The following CDH12 variants were observed in gnomAD, a reference collection of about 807,000 sequenced individuals.
The protein encoded by CDH12 is cadherin-12.
A neutral mutation model predicts 74.1 loss-of-function variants in CDH12; 41 were observed. The observed-to-expected ratio is 0.55, with a 90% CI of 0.43 to 0.72. The LOEUF is 0.72. CDH12 is among the 30% of genes least tolerant of loss of function. CDH12 has a pLI of 0.00. For synonymous variants in CDH12, 399 were observed against 355.0 expected, an observed-to-expected ratio of 1.12 and a Z score of -1.39; for missense variants, 945 against 977.2, an observed-to-expected ratio of 0.97 and a Z score of 0.44.
intron 3 of CDH12, among the ~76,000 whole-genome samples, chr5:22,400,417 T>C (rs1207319206): frequency 2.0e-5 from 3 of 152,064 alleles, no homozygotes; most frequent in Non-Finnish European, 4.4e-5. Context: ...AGATTAAATA[T>C]ATAGAATAGA....
At chr5:22,391,279 GTGAT>G (rs1742237099) in intron 3 of CDH12, among the ~76,000 whole-genome samples, 1 of 152,174 alleles carries the variant, frequency 6.6e-6, no homozygotes, top group African/African-American at 2.4e-5. Context: ...AGAGTGGAAA[GTGAT>G]TGCTCAAAAC....
At chr5:21,914,212 C>A (rs150578373) in intron 6 of CDH12, among the ~76,000 whole-genome samples, 1 of 152,218 alleles carries the variant, frequency 6.6e-6, no homozygotes, top group East Asian at 1.9e-4. Flanking sequence ...TGACTGAATC[C>A]TTTTGCTTTT....
At chr5:22,639,855 C>T (rs1293975156) in intron 1 of CDH12, among the ~76,000 whole-genome samples, 2 of 152,224 alleles carry the variant, frequency 1.3e-5, no homozygotes, top group Middle Eastern at 6.8e-3. Flanking sequence ...GTGCTCAAAA[C>T]ACATACTGTT....
At chr5:21,758,444 A>G (rs1319713589) in intron 13 of CDH12, among the ~76,000 whole-genome samples, 2 of 152,302 alleles carry the variant, frequency 1.3e-5, no homozygotes, top group East Asian at 1.9e-4. Flanking sequence ...TTCTATCATC[A>G]TCATCACCAT....
intron 1 of CDH12, among the ~76,000 whole-genome samples, chr5:22,837,464 A>G (rs1736880904): frequency 6.6e-6 from 1 of 152,166 alleles, no homozygotes; most frequent in Admixed American, 6.6e-5. Flanking sequence ...AAAAAATCGT[A>G]TAATTAAAAA....
At chr5:22,074,306 G>A (rs947984864) in intron 5 of CDH12, among the ~76,000 whole-genome samples, 3 of 151,936 alleles carry the variant, frequency 2.0e-5, no homozygotes, top group Admixed American at 6.6e-5. Flanking sequence ...TTATACAAAA[G>A]TTAATTAAAG....
At chr5:22,130,672 T>C (rs1746130107) in intron 4 of CDH12, among the ~76,000 whole-genome samples, 1 of 151,696 alleles carries the variant, frequency 6.6e-6, no homozygotes, top group Non-Finnish European at 1.5e-5. Flanking sequence ...ACACCTAATA[T>C]AAAATGTGTT....
At chr5:22,168,183 T>C (rs1748800574) in intron 4 of CDH12, among the ~76,000 whole-genome samples, 1 of 152,148 alleles carries the variant, frequency 6.6e-6, no homozygotes, top group African/African-American at 2.4e-5. Context: ...TGTGGAATAA[T>C]GTGCTATATG....
intron 2 of CDH12, among the ~76,000 whole-genome samples, chr5:22,492,374 G>A (rs1439590652): frequency 6.7e-6 from 1 of 148,452 alleles, no homozygotes; most frequent in Admixed American, 6.7e-5. Context: ...TTGAGACAGA[G>A]TCTTGCTCTG....
chr5:21,864,126 AAT>A (rs1491188834), intron 6 of CDH12, among the ~76,000 whole-genome samples: 6 of 136,998 alleles, frequency 4.4e-5, no homozygotes, highest in South Asian at 2.3e-4. Context: ...AAACAGAAAG[AAT>A]ATGTGTGTGT....
chr5:22,604,503 C>T (rs1013132190), intron 1 of CDH12, among the ~76,000 whole-genome samples: 1 of 152,130 alleles, frequency 6.6e-6, no homozygotes, highest in Non-Finnish European at 1.5e-5. Context: ...AGGCATCAAT[C>T]AATACACTTT....
At chr5:21,804,479 A>G (rs1201239173) in intron 9 of CDH12, among the ~76,000 whole-genome samples, 1 of 152,150 alleles carries the variant, frequency 6.6e-6, no homozygotes, top group Non-Finnish European at 1.5e-5. Flanking sequence ...GGAAAGACAC[A>G]CATTTTCAAA....
At chr5:22,498,048 A>G (rs189105130) in intron 2 of CDH12, among the ~76,000 whole-genome samples, 104 of 152,238 alleles carry the variant, frequency 6.8e-4, no homozygotes, top group African/African-American at 2.4e-3. Flanking sequence ...GCGACTTGAA[A>G]TTTGTGATTT....
At chr5:22,277,695 G>A (rs903608246) in intron 3 of CDH12, among the ~76,000 whole-genome samples, 7 of 151,918 alleles carry the variant, frequency 4.6e-5, no homozygotes, top group African/African-American at 9.7e-5. Flanking sequence ...TCAGCCAGGC[G>A]TGATGGTGGG....
chr5:22,482,591 AT>A (rs1746427174), intron 2 of CDH12, among the ~76,000 whole-genome samples: 1 of 152,146 alleles, frequency 6.6e-6, no homozygotes, highest in Non-Finnish European at 1.5e-5. Context: ...ATTTTATAAG[AT>A]TTTTTAATGA....
At chr5:22,039,230 A>G (rs1375194311) in intron 5 of CDH12, among the ~76,000 whole-genome samples, 2 of 152,064 alleles carry the variant, frequency 1.3e-5, no homozygotes, top group Admixed American at 1.3e-4. Context: ...AACTGAAGCC[A>G]TATGCTGCTC....
intron 5 of CDH12, among the ~76,000 whole-genome samples, chr5:22,040,001 T>C (rs1739456224): frequency 6.7e-6 from 1 of 149,178 alleles, no homozygotes; most frequent in African/African-American, 2.5e-5. Flanking sequence ...AATTATGACT[T>C]AACAGAAAAG....
intron 1 of CDH12, among the ~76,000 whole-genome samples, chr5:22,753,294 G>A (rs1240224590): frequency 2.6e-5 from 4 of 151,542 alleles, no homozygotes; most frequent in Non-Finnish European, 5.9e-5. Context: ...AAAATTAGCC[G>A]GGCACGGTGG....
intron 4 of CDH12, among the ~76,000 whole-genome samples, chr5:22,183,043 G>A (rs1238927798): frequency 6.7e-6 from 1 of 149,988 alleles, no homozygotes; most frequent in Non-Finnish European, 1.5e-5. Context: ...GACAGTCATT[G>A]GTACAAGTTG....
Sources: allele counts gnomAD v4.1 joint callset (sites outside exome capture counted in the v4.1 genomes callset), GRCh38; gene constraint gnomAD v4.1.1; transcripts MANE v1.5; gene names NCBI Gene and HGNC (gene_info 2026-07-23, HGNC 2026-07-21).